Variants in ATP2C1 observed in about 807,000 individuals in gnomAD.
The protein encoded by ATP2C1 is calcium-transporting ATPase type 2C member 1.
Under a neutral mutation model 120.5 loss-of-function variants are expected in ATP2C1, and 31 were observed. The observed-to-expected ratio is 0.26, with a 90% confidence interval of 0.19 to 0.35. The LOEUF (loss-of-function observed/expected upper bound fraction) is 0.35, where lower values mean the gene tolerates loss of function less well. Ranked by LOEUF, ATP2C1 falls within the 10% of genes least tolerant of loss-of-function variation. ATP2C1 has a pLI of 1.00. For synonymous variants in ATP2C1, 351 were observed against 358.7 expected (o/e 0.98, Z 0.24); for missense variants, 731 against 1,107.5 (o/e 0.66, Z 4.83).
At chr3:130,970,369 T>TACAC (rs201337484) in intron 17 of ATP2C1, among the ~76,000 whole-genome samples, 28,087 of 130,492 alleles carry the variant, frequency 0.22, 3,417 homozygotes, top group Middle Eastern at 0.29. Context: ...AAAAAAAAAT[T>TACAC]ACACACACAC....
At position 130,980,534 on chromosome 3, in the gene ATP2C1, A is replaced by T. The variant is rs149060701; in HGVS notation, c.1742-48A>T. On this transcript the variant is annotated intron_variant, in intron 19 of 27. Transcript: ENST00000510168. ...TGAGCATTACGTTGACTAGCCTGTCAAGCAAAAACAATTTGGTTTATTACA... is the reference window on the plus strand; with the variant it reads ...TGAGCATTACGTTGACTAGCCTGTCTAGCAAAAACAATTTGGTTTATTACA... 1,041 of 1,423,890 alleles carry T rather than the reference A, an allele frequency of 7.3e-4. 6 individuals are homozygous for T. The African/African-American group carries it at 0.013, about 18-fold the overall frequency. 88.2% of individuals were successfully genotyped at this position (1,423,890 alleles called of 1,614,324 possible).
chr3:131,009,747 G>C (rs1312556982), intron 26 of ATP2C1, among the ~76,000 whole-genome samples: 2 of 152,140 alleles, frequency 1.3e-5, no homozygotes, highest in Admixed American at 1.3e-4. Flanking sequence ...GCTGAAAGTG[G>C]GGTGTAATGT....
downstream of ATP2C1, among the ~76,000 whole-genome samples, chr3:131,007,892 A>G (rs929230214): frequency 2.0e-5 from 3 of 152,244 alleles, no homozygotes; most frequent in African/African-American, 7.2e-5. Flanking sequence ...AGACATGACA[A>G]ACTTTACATT....
chr3:130,885,604 TA>T (rs530107071), intron 1 of ATP2C1, among the ~76,000 whole-genome samples: 2 of 112,498 alleles, frequency 1.8e-5, no homozygotes, highest in South Asian at 3.1e-4. Flanking sequence ...AAAAACACAT[TA>T]AAAAAAAGAA....
intron 1 of ATP2C1, among the ~76,000 whole-genome samples, chr3:130,861,984 T>A (rs192101661): frequency 0.014 from 2,099 of 152,060 alleles, 43 homozygotes; most frequent in African/African-American, 0.048. Context: ...ATTAAAAAAA[T>A]TTTTTTTGAG....
In ATP2C1 at chr3:130,993,830, T is replaced by C. The variant is rs902243284; in HGVS notation, c.1891-102T>C. 3.4e-6 allele frequency: 4 copies of C among 1,184,980 alleles called. No individual in the cohort carries two copies. The African/African-American group carries it at 4.6e-5, about 14-fold the overall frequency. 73.4% of individuals were successfully genotyped at this position (1,184,980 alleles called of 1,614,324 possible). On this transcript the variant is annotated intron_variant, in intron 21 of 27. Coordinates refer to ENST00000510168, the MANE Select transcript of ATP2C1 (RefSeq NM_001378687.1). ...GGGTGGTCTATATTATTTCTAATCTTAATTATGTGAAAAAAATAGGGAGGA... is the reference window on the plus strand; with the variant it reads ...GGGTGGTCTATATTATTTCTAATCTCAATTATGTGAAAAAAATAGGGAGGA...
intron 2 of ATP2C1, among the ~76,000 whole-genome samples, chr3:130,916,542 TTTTC>T (rs1264831238): frequency 2.0e-5 from 3 of 152,180 alleles, no homozygotes; most frequent in South Asian, 4.2e-4. Flanking sequence ...TATATATATT[TTTTC>T]TTTCTTCTTT....
Position 130,937,439 on chromosome 3 carries a change from C to A in ATP2C1, c.336C>A (p.Ile112=). 6.2e-7 allele frequency: 1 copy of A among 1,613,538 alleles called. No homozygotes were observed. The highest frequency in any genetic ancestry group is 8.5e-7 in the Non-Finnish European group (1 of 1,179,522). ...TTTCTTTTGTTTAGGCAATACTTATCGTTGTTACAGTTGCCTTTGTTCAGG... is the reference window on the plus strand; with the variant it reads ...TTTCTTTTGTTTAGGCAATACTTATAGTTGTTACAGTTGCCTTTGTTCAGG... ...DAVSITVAIL[I]VVTVAFVQEY... Residue 112 remains isoleucine (I), a synonymous_variant, in exon 6 of 28, where the codon ATC becomes ATA. Coordinates refer to ENST00000510168, the MANE Select transcript of ATP2C1 (RefSeq NM_001378687.1).
chr3:130,894,377 C>A lies in ATP2C1; in HGVS notation c.-181+40C>A. 1 of 1,116,810 alleles carries A rather than the reference C, an allele frequency of 9.0e-7. No homozygotes were observed. Among genetic ancestry groups the A allele is most frequent in the Non-Finnish European group, 1.1e-6 (1 of 906,376 alleles). 69.2% of individuals were successfully genotyped at this position (1,116,810 alleles called of 1,614,324 possible). On this transcript the variant is annotated intron_variant, in intron 1 of 27. Coordinates refer to ENST00000510168, the MANE Select transcript of ATP2C1 (RefSeq NM_001378687.1). The surrounding 1 kb of genome is among the most constrained non-coding windows in gnomAD (Gnocchi z 4.5). ...TACCTCCTGCCCCCATTTCTAGAAACTTCCAGGTTCTGAAGGAAGGGGAGG... is the reference window on the plus strand; with the variant it reads ...TACCTCCTGCCCCCATTTCTAGAAAATTCCAGGTTCTGAAGGAAGGGGAGG...
intron 20 of ATP2C1, among the ~76,000 whole-genome samples, chr3:130,990,953 A>G (rs2062306772): frequency 6.6e-6 from 1 of 152,182 alleles, no homozygotes; most frequent in African/African-American, 2.4e-5. Context: ...TGAAGTAGGG[A>G]TGGGAATTAG....
intron 4 of ATP2C1, among the ~76,000 whole-genome samples, chr3:130,932,599 C>T (rs758048831): frequency 9.9e-5 from 15 of 152,008 alleles, no homozygotes; most frequent in Admixed American, 3.3e-4. Flanking sequence ...GATAACCTTA[C>T]GGGAGATAGT....
intron 10 of ATP2C1, among the ~76,000 whole-genome samples, chr3:130,955,374 T>G (rs1172740146): frequency 1.3e-5 from 2 of 152,330 alleles, no homozygotes; most frequent in East Asian, 3.9e-4. Context: ...GTGGTAATTT[T>G]AAGGATTAGT....
At chr3:130,973,632 G>A (rs914394110) in intron 17 of ATP2C1, among the ~76,000 whole-genome samples, 22 of 152,232 alleles carry the variant, frequency 1.4e-4, no homozygotes, top group African/African-American at 5.3e-4. Context: ...TACTCAGAAT[G>A]TTGTATAATT....
intron 1 of ATP2C1, among the ~76,000 whole-genome samples, chr3:130,851,512 T>C (rs187053278): frequency 6.5e-4 from 99 of 152,298 alleles, no homozygotes; most frequent in African/African-American, 2.3e-3. Flanking sequence ...GGAGACACTA[T>C]CACTTGGGAA....
At chr3:130,855,996 T>A (rs942865111) in intron 1 of ATP2C1, 3 of 151,898 alleles carry the variant, frequency 2.0e-5, no homozygotes, top group African/African-American at 7.2e-5. Flanking sequence ...TTTTCCTGAT[T>A]GAGAAATACC....
intron 26 of ATP2C1, among the ~76,000 whole-genome samples, chr3:131,009,613 C>A (rs2063242140): frequency 6.6e-6 from 1 of 152,228 alleles, no homozygotes. Flanking sequence ...TTTAAAACTT[C>A]CTTCCTTAAC....
In ATP2C1 at chr3:131,002,766, AGT is replaced by A. The variant is rs2062951248; in HGVS notation, c.*1419_*1420del. On this transcript the variant is annotated 3_prime_UTR_variant, in exon 28 of 28. Transcript: ENST00000510168. ...AGCTTTTATCCAATATTAAACTGCA[AGT>A]GTTAGCACTGAAATATTGTCATTGA... The A allele has an allele frequency of 2.0e-6, 2 of 985,406 alleles. No homozygotes were observed. Among genetic ancestry groups the A allele is most frequent in the Non-Finnish European group, 2.4e-6 (2 of 829,922 alleles). 61.0% of individuals were successfully genotyped at this position (985,406 alleles called of 1,614,324 possible).
rs1404938882 is a variant in ATP2C1, at chr3:131,001,272, T to C, written c.2682T>C (p.Ile894=). ...LTSSVCIVAE[I]IKKVERSREK... Reference sequence around the variant, plus strand: ...CATCAGTGTGCATAGTGGCAGAAATTATAAAGAAGGTTGAAAGGAGCAGGG... The same window carrying C: ...CATCAGTGTGCATAGTGGCAGAAATCATAAAGAAGGTTGAAAGGAGCAGGG... The change falls in exon 28 of 28, where the codon ATT becomes ATC. Residue 894 remains isoleucine, a synonymous_variant. Coordinates refer to ENST00000510168, the MANE Select transcript of ATP2C1 (RefSeq NM_001378687.1). 3 of 1,613,882 alleles carry C rather than the reference T, an allele frequency of 1.9e-6. No homozygotes were observed. The highest frequency in any genetic ancestry group is 2.5e-6 in the Non-Finnish European group (3 of 1,179,922).
At chr3:130,895,640 C>T (rs1227331937) in intron 2 of ATP2C1, among the ~76,000 whole-genome samples, 2 of 152,038 alleles carry the variant, frequency 1.3e-5, no homozygotes, top group Non-Finnish European at 2.9e-5. Context: ...CAGTTTTTTC[C>T]TCTGGTATAA....
Sources: allele counts gnomAD v4.1 joint callset (sites outside exome capture counted in the v4.1 genomes callset), GRCh38; gene constraint gnomAD v4.1.1; non-coding constraint Gnocchi (gnomAD v3.1); transcripts MANE v1.5; gene names NCBI Gene and HGNC (gene_info 2026-07-23, HGNC 2026-07-21).